The following CDKAL1 variants were observed in gnomAD, a reference collection of about 807,000 sequenced individuals.
The protein encoded by CDKAL1 is threonylcarbamoyladenosine tRNA methylthiotransferase.
A neutral mutation model predicts 68.2 loss-of-function variants in CDKAL1; 32 were observed. The observed-to-expected ratio is 0.47, with a 90% CI of 0.35 to 0.63. The LOEUF is 0.63. Ranked by LOEUF, CDKAL1 falls within the 30% of genes least tolerant of loss-of-function variation. CDKAL1 has a pLI of 0.00. For synonymous variants in CDKAL1, 234 were observed against 244.3 expected (o/e 0.96, Z 0.39); for missense variants, 606 against 696.7 (o/e 0.87, Z 1.47).
chr6:20,707,463 A>C (rs1336492667), intron 5 of CDKAL1, among the ~76,000 whole-genome samples: 2 of 152,232 alleles, frequency 1.3e-5, no homozygotes, highest in African/African-American at 4.8e-5. Flanking sequence ...GCCTATTCTT[A>C]TCTACAACAT....
At chr6:20,553,253 T>C (rs998741575) in intron 4 of CDKAL1, among the ~76,000 whole-genome samples, 1 of 152,196 alleles carries the variant, frequency 6.6e-6, no homozygotes, top group Non-Finnish European at 1.5e-5. Context: ...CTCACGCCCG[T>C]AATCCCAGCA....
intron 5 of CDKAL1, among the ~76,000 whole-genome samples, chr6:20,676,142 TAAAAAG>T (rs1333518179): frequency 1.3e-5 from 2 of 151,992 alleles, no homozygotes; most frequent in African/African-American, 4.8e-5. Flanking sequence ...GTCAAAACGT[TAAAAAG>T]AAAAAGTTTA....
At chr6:20,882,364 G>T (rs1760867177) in intron 9 of CDKAL1, among the ~76,000 whole-genome samples, 1 of 152,066 alleles carries the variant, frequency 6.6e-6, no homozygotes, top group Admixed American at 6.6e-5. Context: ...ATCAAACCTA[G>T]CATAAAAACA....
chr6:20,566,389 G>A (rs974680865), intron 4 of CDKAL1, among the ~76,000 whole-genome samples: 1 of 152,062 alleles, frequency 6.6e-6, no homozygotes, highest in Non-Finnish European at 1.5e-5. Flanking sequence ...TTAGTCCATA[G>A]TGCCACTCAC....
At chr6:21,130,278 G>A (rs1286401087) in intron 13 of CDKAL1, among the ~76,000 whole-genome samples, 2 of 143,550 alleles carry the variant, frequency 1.4e-5, no homozygotes, top group Non-Finnish European at 3.0e-5. Context: ...AGGCTGGAGT[G>A]CAATGGTGCG....
intron 12 of CDKAL1, among the ~76,000 whole-genome samples, chr6:21,093,313 C>T (rs1215547633): frequency 6.6e-6 from 1 of 152,168 alleles, no homozygotes; most frequent in Non-Finnish European, 1.5e-5. Context: ...ATTTTGTACC[C>T]ACCAAAGTAT....
At chr6:20,980,581 A>G (rs1394102546) in intron 10 of CDKAL1, among the ~76,000 whole-genome samples, 1 of 152,224 alleles carries the variant, frequency 6.6e-6, no homozygotes, top group Non-Finnish European at 1.5e-5. Context: ...TTAAATTATT[A>G]CTAGTATACA....
intron 13 of CDKAL1, among the ~76,000 whole-genome samples, chr6:21,158,551 G>A (rs1776753082): frequency 6.6e-6 from 1 of 152,200 alleles, no homozygotes; most frequent in Admixed American, 6.5e-5. Flanking sequence ...CTAAAGCTGG[G>A]AAGGGTTTAT....
At chr6:21,041,937 A>T (rs1326859131) in intron 11 of CDKAL1, among the ~76,000 whole-genome samples, 1 of 152,148 alleles carries the variant, frequency 6.6e-6, no homozygotes, top group Admixed American at 6.6e-5. Flanking sequence ...CTGTTTTCAA[A>T]TCTTTGATGT....
intron 8 of CDKAL1, among the ~76,000 whole-genome samples, chr6:20,840,428 T>G (rs535831872): frequency 6.6e-6 from 1 of 152,330 alleles, no homozygotes; most frequent in African/African-American, 2.4e-5. Context: ...ATGTAGCTGA[T>G]GGGAATAGAG....
At chr6:20,606,060 G>A (rs953727538) in intron 4 of CDKAL1, among the ~76,000 whole-genome samples, 1 of 152,106 alleles carries the variant, frequency 6.6e-6, no homozygotes, top group Non-Finnish European at 1.5e-5. Flanking sequence ...GGCAATTGTA[G>A]GGCCCACTTC....
At chr6:21,013,815 A>ATTGGT (rs899879925) in intron 11 of CDKAL1, among the ~76,000 whole-genome samples, 45 of 152,160 alleles carry the variant, frequency 3.0e-4, no homozygotes, top group Non-Finnish European at 5.3e-4. Context: ...CTTTGATTGG[A>ATTGGT]TTGGTTTGGG....
At chr6:20,617,920 T>C (rs1312049541) in intron 4 of CDKAL1, among the ~76,000 whole-genome samples, 1 of 152,246 alleles carries the variant, frequency 6.6e-6, no homozygotes. Context: ...TATAATCCTC[T>C]GAGTATATAC....
intron 13 of CDKAL1, among the ~76,000 whole-genome samples, chr6:21,159,190 AAT>A: frequency 6.6e-6 from 1 of 151,530 alleles, no homozygotes; most frequent in East Asian, 1.9e-4. Flanking sequence ...AAATGAGTGT[AAT>A]AGAGTTGGGG....
At chr6:20,985,248 C>G (rs1766391259) in intron 10 of CDKAL1, among the ~76,000 whole-genome samples, 1 of 152,064 alleles carries the variant, frequency 6.6e-6, no homozygotes, top group African/African-American at 2.4e-5. Flanking sequence ...TCAAAAGCCT[C>G]TCTTCTAGCT....
At chr6:20,738,094 C>G (rs1223237042) in intron 5 of CDKAL1, among the ~76,000 whole-genome samples, 3 of 152,134 alleles carry the variant, frequency 2.0e-5, no homozygotes, top group African/African-American at 4.8e-5. Flanking sequence ...ATACCCTTAC[C>G]TTTCTCAGTT....
intron 11 of CDKAL1, among the ~76,000 whole-genome samples, chr6:21,039,337 C>A (rs1043289422): frequency 6.6e-6 from 1 of 152,132 alleles, no homozygotes; most frequent in Admixed American, 6.5e-5. Context: ...TCCAGGAGAC[C>A]GATTCCTGGT....
At chr6:20,831,014 A>G (rs1777695192) in intron 8 of CDKAL1, among the ~76,000 whole-genome samples, 1 of 151,822 alleles carries the variant, frequency 6.6e-6, no homozygotes, top group Non-Finnish European at 1.5e-5. Flanking sequence ...TTGTCTGCAT[A>G]ATCTATTTTA....
chr6:20,903,427 A>G (rs1379407160), intron 9 of CDKAL1, among the ~76,000 whole-genome samples: 3 of 152,328 alleles, frequency 2.0e-5, no homozygotes, highest in East Asian at 1.9e-4. Flanking sequence ...TTAGTAATAC[A>G]TATCATTTTA....
Sources: allele counts gnomAD v4.1 joint callset (sites outside exome capture counted in the v4.1 genomes callset), GRCh38; gene constraint gnomAD v4.1.1; transcripts MANE v1.5; gene names NCBI Gene and HGNC (gene_info 2026-07-23, HGNC 2026-07-21).